Variants in SLC12A6 observed in about 807,000 individuals in gnomAD.
SLC12A6 encodes the protein K-Cl cotransporter 3.
SLC12A6 carries 66 observed loss-of-function variants against 135.3 expected under a neutral mutation model. That is an observed-to-expected ratio of 0.49 (90% CI 0.40 to 0.60). The LOEUF is 0.60. Ranked by LOEUF, SLC12A6 falls within the 20% of genes least tolerant of loss-of-function variation. SLC12A6 has a pLI of 0.00. For missense variants in SLC12A6, 1,058 were observed against 1,452.3 expected (o/e 0.73, Z 4.41); for synonymous variants, 513 against 508.8 (o/e 1.01, Z -0.11).
intron 2 of SLC12A6, among the ~76,000 whole-genome samples, chr15:34,320,339 G>C (rs7167379): frequency 2.0e-5 from 3 of 152,064 alleles, no homozygotes; most frequent in Admixed American, 2.0e-4. Flanking sequence ...TGTCATTTGC[G>C]GCAACACGGA....
intron 2 of SLC12A6, among the ~76,000 whole-genome samples, chr15:34,333,449 T>A (rs1437221798): frequency 6.6e-6 from 1 of 152,004 alleles, no homozygotes; most frequent in Non-Finnish European, 1.5e-5. Flanking sequence ...CAGGCTGGTC[T>A]CGGACTCCTG....
At position 34,252,354 on chromosome 15, in the gene SLC12A6, T is replaced by C. The variant is rs756593048; in HGVS notation, c.1149A>G (p.Ser383=). The C allele has an allele frequency of 1.9e-6, 3 of 1,611,886 alleles. No homozygotes were observed. The highest frequency in any genetic ancestry group is 1.7e-5 in the Admixed American group (1 of 59,924). The part of the protein sequence containing the change: ...PVCMLGNRTL[S]SRHIDVCSKT... ...TAGAGCAAACGTCAATGTGTCTTGATGAAAGGGTGCGGTTACCCAGCATGC... is the reference window on the plus strand; with the variant it reads ...TAGAGCAAACGTCAATGTGTCTTGACGAAAGGGTGCGGTTACCCAGCATGC... Residue 383 remains serine, a synonymous_variant, in exon 10 of 26, where the codon TCA becomes TCG. Coordinates refer to ENST00000354181, the MANE Select transcript of SLC12A6 (RefSeq NM_001365088.1).
At chr15:34,253,039 C>A (rs914261900) in intron 9 of SLC12A6, among the ~76,000 whole-genome samples, 3 of 152,154 alleles carry the variant, frequency 2.0e-5, no homozygotes, top group African/African-American at 7.2e-5. Context: ...GTAAGGATAA[C>A]ATAAATATTA....
intron 4 of SLC12A6, among the ~76,000 whole-genome samples, chr15:34,259,365 T>C (rs1201879183): frequency 6.7e-6 from 1 of 148,938 alleles, no homozygotes; most frequent in African/African-American, 2.5e-5. Context: ...AATTGGTACA[T>C]TGAGTTGGGC....
intron 2 of SLC12A6, among the ~76,000 whole-genome samples, chr15:34,324,714 T>A (rs796963948): frequency 5.9e-5 from 9 of 152,294 alleles, no homozygotes; most frequent in African/African-American, 1.9e-4. Context: ...ATCAGAGGGC[T>A]ACCGGTAGGG....
intron 2 of SLC12A6, among the ~76,000 whole-genome samples, chr15:34,297,822 T>A (rs1023811009): frequency 3.3e-5 from 5 of 152,142 alleles, no homozygotes; most frequent in African/African-American, 1.2e-4. Flanking sequence ...GGAAAACAAC[T>A]GAAATTCTCT....
At chr15:34,276,973 T>G (rs1894338450) in intron 2 of SLC12A6, among the ~76,000 whole-genome samples, 1 of 152,218 alleles carries the variant, frequency 6.6e-6, no homozygotes, top group South Asian at 2.1e-4. Flanking sequence ...ACAGAAGTTT[T>G]AAATGCTATT....
chr15:34,302,798 A>C (rs1156950506), intron 2 of SLC12A6, among the ~76,000 whole-genome samples: 1 of 151,706 alleles, frequency 6.6e-6, no homozygotes, highest in African/African-American at 2.4e-5. Flanking sequence ...AAAAAATTAA[A>C]AATTAGCCTG....
chr15:34,265,414 A>C (rs1250641908), intron 3 of SLC12A6, among the ~76,000 whole-genome samples: 2 of 150,162 alleles, frequency 1.3e-5, no homozygotes, highest in Non-Finnish European at 3.0e-5. Context: ...AAAAAAAAAA[A>C]ACAAACAAAA....
chr15:34,230,743 AACG>A lies in SLC12A6; in HGVS notation c.*3135_*3137del, dbSNP rs1890869034. The A allele has an allele frequency of 6.6e-6, 1 of 151,272 alleles. No individual in the cohort carries two copies. Among genetic ancestry groups the A allele is most frequent in the South Asian group, 2.1e-4 (1 of 4,734 alleles). 9.4% of individuals were successfully genotyped at this position (151,272 alleles called of 1,614,324 possible). ...GAGATGAGAGACTTTGGAGACAGAC[AACG>A]TAAGCAACACATACACACATGAAAT... On this transcript the variant is annotated 3_prime_UTR_variant, in exon 26 of 26. Transcript: ENST00000354181.
In SLC12A6 at chr15:34,239,090, C is replaced by T. The variant is rs1387495635; in HGVS notation, c.2507G>A (p.Arg836Lys). 6.2e-7 allele frequency: 1 copy of T among 1,614,150 alleles called. No individual in the cohort carries two copies. The highest frequency in any genetic ancestry group is 8.5e-7 in the Non-Finnish European group (1 of 1,179,994). The part of the protein sequence containing the change: ...FCQLVVAAKL[R>K]EGISHLIQSC... The stretch of plus-strand genomic sequence containing the variant: ...CTGGATGAGGTGGGAAATGCCCTCT[C>T]TCAGCTTGGCGGCCACCACCAGCTG... Residue 836 changes from arginine (R) to lysine (K), a missense_variant, in exon 20 of 26, where the codon AGA (arginine) becomes AAA (lysine). Physicochemically the swap from Arg to Lys is conservative, Grantham distance 26. Coordinates refer to ENST00000354181, the MANE Select transcript of SLC12A6 (RefSeq NM_001365088.1).
At position 34,233,632 on chromosome 15, in the gene SLC12A6, T is replaced by C. The variant is rs192377599; in HGVS notation, c.*249A>G. 18 of 465,678 alleles carry C rather than the reference T, an allele frequency of 3.9e-5. No individual in the cohort carries two copies. In the Admixed American group the frequency reaches 4.0e-4, roughly 10 times the overall value. 28.8% of individuals were successfully genotyped at this position (465,678 alleles called of 1,614,324 possible). Reference sequence around the variant, plus strand: ...TTAATTCTAATTTGCCTTTGACTGCTCAGACGTGGCTTGAAAGACTTGAGC... The same window carrying C: ...TTAATTCTAATTTGCCTTTGACTGCCCAGACGTGGCTTGAAAGACTTGAGC... On this transcript the variant is annotated 3_prime_UTR_variant, in exon 26 of 26. Transcript: ENST00000354181.
At chr15:34,280,445 T>C (rs1894598857) in intron 2 of SLC12A6, among the ~76,000 whole-genome samples, 1 of 152,186 alleles carries the variant, frequency 6.6e-6, no homozygotes, top group Non-Finnish European at 1.5e-5. Flanking sequence ...TGACTAGTCT[T>C]AACACGTAAG....
intron 22 of SLC12A6, chr15:34,237,049 G>T: frequency 1.9e-6 from 1 of 530,262 alleles, no homozygotes; most frequent in Non-Finnish European, 3.4e-6. Context: ...GTGTTGCCTT[G>T]AAACACAAAA....
intron 19 of SLC12A6, among the ~76,000 whole-genome samples, chr15:34,240,284 T>C (rs1283102636): frequency 1.3e-5 from 2 of 152,124 alleles, no homozygotes; most frequent in Non-Finnish European, 2.9e-5. Context: ...ACCACGTAGA[T>C]TAGTAAAGAG....
intron 2 of SLC12A6, among the ~76,000 whole-genome samples, chr15:34,298,196 A>AG (rs1896001936): frequency 7.8e-6 from 1 of 127,932 alleles, no homozygotes; most frequent in African/African-American, 4.0e-5. Flanking sequence ...GAAGGAAAGA[A>AG]CAAAAATAGG....
Position 34,293,897 on chromosome 15 carries a change from C to CCA in SLC12A6, c.272-18510_272-18509dup, listed in dbSNP as rs547230841. On this transcript the variant is annotated intron_variant, in intron 2 of 25. Transcript: ENST00000354181. ...GGATTAGAGGTGTGAACCACCATGC[C>CCA]CAGCCAGGGCTGATAGGTAATTTTA... Among the ~76,000 whole-genome samples the CCA allele has an allele frequency of 1.1e-3, 166 of 152,286 alleles. 1 individual carries two copies. In the Middle Eastern group the frequency reaches 0.014, roughly 12 times the overall value.
chr15:34,233,533 G>C lies in SLC12A6; in HGVS notation c.*348C>G. ...GAGATTCATCTTTAATGCTGAATAC[G>C]TACTTGACTTGCTTTTTTTCTTCAG... On this transcript the variant is annotated 3_prime_UTR_variant, in exon 26 of 26. Coordinates refer to ENST00000354181, the MANE Select transcript of SLC12A6 (RefSeq NM_001365088.1). The C allele has an allele frequency of 3.5e-6, 1 of 289,642 alleles. No homozygotes were observed. Among genetic ancestry groups the C allele is most frequent in the South Asian group, 3.7e-5 (1 of 26,984 alleles). The allele number at this position is 289,642 out of a possible 1,614,324, so 17.9% of individuals were successfully genotyped here.
intron 2 of SLC12A6, among the ~76,000 whole-genome samples, chr15:34,286,972 G>A (rs1197228411): frequency 6.6e-6 from 1 of 151,532 alleles, no homozygotes; most frequent in East Asian, 1.9e-4. Flanking sequence ...AGGAAGCAAA[G>A]CAAAGCAAAT....
Sources: allele counts gnomAD v4.1 joint callset (sites outside exome capture counted in the v4.1 genomes callset), GRCh38; gene constraint gnomAD v4.1.1; transcripts MANE v1.5; gene names NCBI Gene and HGNC (gene_info 2026-07-23, HGNC 2026-07-21).